SPIN1: variants seen among roughly 807,000 people sequenced by gnomAD.
SPIN1 encodes spindlin 1, also known as spindlin-1.
In SPIN1, 3 loss-of-function variants were observed where a neutral mutation model predicts 26.0. That is an observed-to-expected ratio of 0.12 (90% CI 0.05 to 0.30). The LOEUF is 0.30. SPIN1 is among the 10% of genes least tolerant of loss of function. The pLI is 1.00. For missense variants in SPIN1, 126 were observed against 333.4 expected (o/e 0.38, Z 4.84); for synonymous variants, 101 against 116.5 (o/e 0.87, Z 0.86).
intron 1 of SPIN1, among the ~76,000 whole-genome samples, chr9:88,394,968 C>G (rs1402196868): frequency 1.3e-5 from 2 of 151,850 alleles, no homozygotes; most frequent in Admixed American, 1.3e-4. Context: ...CGCCACCACG[C>G]CCGGCTAATT....
intron 1 of SPIN1, among the ~76,000 whole-genome samples, chr9:88,396,376 C>A (rs897455129): frequency 6.6e-6 from 1 of 151,878 alleles, no homozygotes; most frequent in African/African-American, 2.4e-5. Context: ...CTGAGGTGGG[C>A]GGATTACCTG....
At chr9:88,431,051 T>A (rs1272707041) in intron 2 of SPIN1, among the ~76,000 whole-genome samples, 1 of 151,970 alleles carries the variant, frequency 6.6e-6, no homozygotes, top group Non-Finnish European at 1.5e-5. Flanking sequence ...CTCGGCTAAC[T>A]TTTTTGCATT....
At chr9:88,457,066 G>T (rs1209615476) in intron 3 of SPIN1, among the ~76,000 whole-genome samples, 1 of 152,162 alleles carries the variant, frequency 6.6e-6, no homozygotes, top group Non-Finnish European at 1.5e-5. Flanking sequence ...GAATCATGGA[G>T]AATTGATCTA....
At chr9:88,409,000 T>TGTGG (rs1827377338) in intron 1 of SPIN1, among the ~76,000 whole-genome samples, 1 of 147,932 alleles carries the variant, frequency 6.8e-6, no homozygotes, top group African/African-American at 2.5e-5. Context: ...TGTGTGTGTG[T>TGTGG]GTGTGTGTGT....
intron 2 of SPIN1, among the ~76,000 whole-genome samples, chr9:88,447,305 G>A (rs1355226374): frequency 6.6e-6 from 1 of 151,498 alleles, no homozygotes; most frequent in Non-Finnish European, 1.5e-5. Flanking sequence ...TATTAATGTT[G>A]TCAATGTCCT....
intron 2 of SPIN1, among the ~76,000 whole-genome samples, chr9:88,445,283 G>C (rs1430798486): frequency 6.6e-6 from 1 of 151,992 alleles, no homozygotes; most frequent in Non-Finnish European, 1.5e-5. Flanking sequence ...GCTTCAGGTA[G>C]ACTTGCTCCT....
chr9:88,433,958 C>T (rs1249806550), intron 2 of SPIN1, among the ~76,000 whole-genome samples: 1 of 151,756 alleles, frequency 6.6e-6, no homozygotes, highest in Non-Finnish European at 1.5e-5. Flanking sequence ...GAACTGACAG[C>T]GTTTGAGGAC....
intron 4 of SPIN1, among the ~76,000 whole-genome samples, chr9:88,464,501 T>TGG (rs1828622952): frequency 6.6e-6 from 1 of 152,212 alleles, no homozygotes; most frequent in African/African-American, 2.4e-5. Flanking sequence ...AAGCAAGGCC[T>TGG]GGGGACCCTT....
intron 1 of SPIN1, among the ~76,000 whole-genome samples, chr9:88,392,054 T>A (rs1036931142): frequency 3.9e-5 from 6 of 152,210 alleles, no homozygotes; most frequent in African/African-American, 1.4e-4. Flanking sequence ...ACCTATGGTG[T>A]AAGTCTGTTC....
chr9:88,394,533 C>A (rs895223280), intron 1 of SPIN1, among the ~76,000 whole-genome samples: 3 of 152,094 alleles, frequency 2.0e-5, no homozygotes, highest in African/African-American at 7.2e-5. Flanking sequence ...TTTTCTCTAA[C>A]GTTGAAAATT....
chr9:88,473,998 A>G (rs1380431846), intron 5 of SPIN1, among the ~76,000 whole-genome samples: 1 of 152,262 alleles, frequency 6.6e-6, no homozygotes, highest in Non-Finnish European at 1.5e-5. Context: ...ACCAGAGATC[A>G]CAGTAGCAGT....
At chr9:88,422,215 T>C (rs1210381708) in intron 1 of SPIN1, among the ~76,000 whole-genome samples, 1 of 152,212 alleles carries the variant, frequency 6.6e-6, no homozygotes, top group East Asian at 1.9e-4. Context: ...GACCTTCTTC[T>C]TAATGACCTT....
At chr9:88,441,058 G>A (rs1489196689) in intron 2 of SPIN1, among the ~76,000 whole-genome samples, 1 of 151,702 alleles carries the variant, frequency 6.6e-6, no homozygotes, top group Non-Finnish European at 1.5e-5. Context: ...TACATCTGTG[G>A]ATTCATCCAA....
intron 2 of SPIN1, among the ~76,000 whole-genome samples, chr9:88,434,556 A>G (rs1299547653): frequency 6.6e-6 from 1 of 152,148 alleles, no homozygotes; most frequent in South Asian, 2.1e-4. Flanking sequence ...TGATAACAGT[A>G]TCCAGTTAAT....
chr9:88,440,859 A>G (rs1318098228), intron 2 of SPIN1, among the ~76,000 whole-genome samples: 2 of 151,502 alleles, frequency 1.3e-5, no homozygotes, highest in African/African-American at 4.9e-5. Context: ...GATTACAGGC[A>G]TGACACCGCG....
At chr9:88,395,605 C>T (rs918688317) in intron 1 of SPIN1, among the ~76,000 whole-genome samples, 100 of 151,962 alleles carry the variant, frequency 6.6e-4, no homozygotes, top group Non-Finnish European at 5.9e-5. Flanking sequence ...GTTACATTTT[C>T]TTTTTAAAAC....
At chr9:88,473,868 A>C (rs1828840858) in intron 5 of SPIN1, among the ~76,000 whole-genome samples, 1 of 152,064 alleles carries the variant, frequency 6.6e-6, no homozygotes, top group African/African-American at 2.4e-5. Context: ...TGGCAGTATG[A>C]TGATACTGCT....
chr9:88,476,587 G>A lies in SPIN1; in HGVS notation c.*1310G>A, dbSNP rs1000925716. 2 of 152,216 alleles carry A rather than the reference G, an allele frequency of 1.3e-5. No homozygotes were observed. Among genetic ancestry groups the A allele is most frequent in the African/African-American group, 4.8e-5 (2 of 41,446 alleles). The allele number at this position is 152,216 out of a possible 1,614,324, so 9.4% of individuals were successfully genotyped here. A position where few individuals can be genotyped will look rare whatever the true frequency, so the allele number is the denominator to read the frequency against. On this transcript the variant is annotated 3_prime_UTR_variant, in exon 6 of 6. Transcript: ENST00000375859. ...ATGCCAGTGAAGCGTTACCATAGAA[G>A]AGCCAGCCGTTTGTGTTCGCTTGGT...
At chr9:88,446,411 T>TTG (rs201952881) in intron 2 of SPIN1, among the ~76,000 whole-genome samples, 7,858 of 148,316 alleles carry the variant, frequency 0.053, 677 homozygotes, top group African/African-American at 0.18. Flanking sequence ...GTTTGCTGTT[T>TTG]TTTTTTTTTT....
Sources: gnomAD v4.1 joint callset for allele counts (sites outside exome capture counted in the v4.1 genomes callset) on GRCh38, gnomAD v4.1.1 for gene constraint, MANE v1.5 for transcripts, NCBI Gene and HGNC (gene_info 2026-07-23, HGNC 2026-07-21) for gene names.